Variants in RD3 observed in about 807,000 individuals in gnomAD.
RD3 encodes the protein protein RD3.
Under a neutral mutation model 16.9 loss-of-function variants are expected in RD3, and 11 were observed. The ratio of observed to expected loss-of-function variants is 0.65; its 90% CI spans 0.41 to 1.08. The LOEUF (loss-of-function observed/expected upper bound fraction) is 1.08, where lower values mean the gene tolerates loss of function less well. RD3 is among the 50% of genes least tolerant of loss of function. The pLI is 0.00. For missense variants in RD3, 274 were observed against 267.4 expected (o/e 1.02, Z -0.17); for synonymous variants, 116 against 114.8 (o/e 1.01, Z -0.07).
rs574202043 is a variant in RD3, at chr1:211,478,400, C to T, written c.*636G>A. The stretch of plus-strand genomic sequence containing the variant: ...GGAACAGACACTATTCATGCAGGAA[C>T]AATCTCACTGTTCATGAGGAGCTGG... On this transcript the variant is annotated 3_prime_UTR_variant, in exon 3 of 3. Coordinates refer to ENST00000680073, the MANE Select transcript of RD3 (RefSeq NM_001164688.2). The T allele has an allele frequency of 7.7e-6, 3 of 387,194 alleles. No individual in the cohort carries two copies. The highest frequency in any genetic ancestry group is 6.2e-5 in the African/African-American group (3 of 48,506). 24.0% of individuals were successfully genotyped at this position (387,194 alleles called of 1,614,324 possible).
intron 1 of RD3, among the ~76,000 whole-genome samples, chr1:211,487,546 C>T (rs1705399352): frequency 6.6e-6 from 1 of 152,228 alleles, no homozygotes; most frequent in Admixed American, 6.5e-5. Flanking sequence ...ATATTTATCA[C>T]ACTTTTCTGC....
At chr1:211,487,460 G>T (rs1392280784) in intron 1 of RD3, among the ~76,000 whole-genome samples, 2 of 152,164 alleles carry the variant, frequency 1.3e-5, no homozygotes, top group African/African-American at 4.8e-5. Context: ...AACCTTCATA[G>T]GGCCAAGCCC....
intron 1 of RD3, among the ~76,000 whole-genome samples, chr1:211,489,375 A>G (rs1287008431): frequency 6.6e-6 from 1 of 151,970 alleles, no homozygotes; most frequent in Admixed American, 6.6e-5. Flanking sequence ...CAGTAATATC[A>G]GTAGCCCCAT....
rs1412217545 is a variant in RD3 at position 211,478,674 on chromosome 1, C to G, written c.*362G>C. The G allele has an allele frequency of 1.1e-5, 3 of 275,336 alleles. No homozygotes were observed. The South Asian group carries it at 3.5e-4, about 32-fold the overall frequency. 17.1% of individuals were successfully genotyped at this position (275,336 alleles called of 1,614,324 possible). ...GACATCCCTGAAATTGGGGTGAGAA[C>G]CTAGGTCTTGCCAAAAGGCAGGGCA... On this transcript the variant is annotated 3_prime_UTR_variant, in exon 3 of 3. Transcript: ENST00000680073.
chr1:211,482,919 C>G (rs755946120), intron 1 of RD3, among the ~76,000 whole-genome samples: 42 of 151,922 alleles, frequency 2.8e-4, no homozygotes, highest in Admixed American at 7.2e-4. Flanking sequence ...GTCAGATGAA[C>G]TCAGTCTCAA....
intron 1 of RD3, among the ~76,000 whole-genome samples, chr1:211,486,908 G>A (rs936930981): frequency 6.6e-5 from 10 of 152,268 alleles, no homozygotes; most frequent in Admixed American, 1.3e-4. Flanking sequence ...ATCTTAGGAG[G>A]TGCTGAAGTG....
chr1:211,486,988 C>A (rs1411196676), intron 1 of RD3, among the ~76,000 whole-genome samples: 1 of 152,152 alleles, frequency 6.6e-6, no homozygotes, highest in Non-Finnish European at 1.5e-5. Flanking sequence ...TATACACACA[C>A]CCCATAAACA....
Position 211,476,978 on chromosome 1 carries a change from C to G in RD3, c.*2058G>C, listed in dbSNP as rs922727025. 6 of 152,126 alleles carry G rather than the reference C, an allele frequency of 3.9e-5. No homozygotes were observed. The highest frequency in any genetic ancestry group is 1.2e-4 in the African/African-American group (5 of 41,418). 9.4% of individuals were successfully genotyped at this position (152,126 alleles called of 1,614,324 possible). A position where few individuals can be genotyped will look rare whatever the true frequency, so the allele number is the denominator to read the frequency against. On this transcript the variant is annotated 3_prime_UTR_variant, in exon 3 of 3. Coordinates refer to ENST00000680073, the MANE Select transcript of RD3 (RefSeq NM_001164688.2). ...GTGGAGGCCTTTTTCTAATCCTCCC[C>G]CAACACTTTTGCCCCTACCAGCTGA...
In RD3 at chr1:211,478,910, A is replaced by T; in HGVS notation, c.*126T>A. The T allele has an allele frequency of 2.7e-5, 16 of 601,630 alleles. No homozygotes were observed. Among genetic ancestry groups the T allele is most frequent in the Non-Finnish European group, 2.9e-5 (11 of 378,412 alleles). 37.3% of individuals were successfully genotyped at this position (601,630 alleles called of 1,614,324 possible). Reference sequence around the variant, plus strand: ...CTTCATTTTATAGCAGCGTCTTGGGATGGGGCCGCCTCTTGGGTCTCCTCG... The same window carrying T: ...CTTCATTTTATAGCAGCGTCTTGGGTTGGGGCCGCCTCTTGGGTCTCCTCG... On this transcript the variant is annotated 3_prime_UTR_variant, in exon 3 of 3. Coordinates refer to ENST00000680073, the MANE Select transcript of RD3 (RefSeq NM_001164688.2).
intron 1 of RD3, among the ~76,000 whole-genome samples, chr1:211,487,720 C>A (rs1705401919): frequency 1.3e-5 from 2 of 152,208 alleles, no homozygotes; most frequent in African/African-American, 4.8e-5. Flanking sequence ...TCTTTCTTCA[C>A]CCACGAGCCT....
chr1:211,481,389 C>T lies in RD3; in HGVS notation c.27G>A (p.Trp9Ter), dbSNP rs761903612. Residue 9 changes from tryptophan to a stop codon, truncating the protein, a stop_gained, in exon 2 of 3, where the codon TGG becomes TGA. Coordinates refer to ENST00000680073, the MANE Select transcript of RD3 (RefSeq NM_001164688.2). LOFTEE classifies it high-confidence loss of function. ...TGGACAGCCGGGATGGGGCCTCGTT[C>T]CACCGAAGCCATGAGATGAGAGACA... MSLISWLR[W>*]NEAPSRLSTR... 23 of 1,613,156 alleles carry T rather than the reference C, an allele frequency of 1.4e-5. No homozygotes were observed. The highest frequency in any genetic ancestry group is 1.9e-5 in the Non-Finnish European group (23 of 1,180,048).
intron 1 of RD3, among the ~76,000 whole-genome samples, chr1:211,486,577 G>A (rs973916422): frequency 5.3e-5 from 8 of 151,806 alleles, no homozygotes; most frequent in South Asian, 2.1e-4. Flanking sequence ...GGCTGGGCAC[G>A]GTGGCTCACA....
intron 2 of RD3, among the ~76,000 whole-genome samples, chr1:211,480,085 T>G (rs955610344): frequency 6.6e-6 from 1 of 152,170 alleles, no homozygotes; most frequent in Non-Finnish European, 1.5e-5. Flanking sequence ...CCCTCACTTT[T>G]GAGGCTTGAT....
intron 1 of RD3, among the ~76,000 whole-genome samples, chr1:211,486,220 A>T (rs1705371921): frequency 1.3e-5 from 2 of 151,490 alleles, no homozygotes; most frequent in African/African-American, 2.4e-5. Context: ...TAAAAGAAAA[A>T]AAGGCTGGGT....
In RD3 at chr1:211,478,280, C is replaced by T. The variant is rs1705185421; in HGVS notation, c.*756G>A. The T allele has an allele frequency of 7.5e-6, 3 of 397,956 alleles. No homozygotes were observed. In the East Asian group the frequency reaches 1.1e-4, roughly 14 times the overall value. The allele number at this position is 397,956 out of a possible 1,614,324, so 24.7% of individuals were successfully genotyped here. On this transcript the variant is annotated 3_prime_UTR_variant, in exon 3 of 3. Coordinates refer to ENST00000680073, the MANE Select transcript of RD3 (RefSeq NM_001164688.2). Reference sequence around the variant, plus strand: ...CTTCTTGGAGAGCAGCTTAGATTCTCATCCCACTGCCAAGGTAAGAGATGG... The same window carrying T: ...CTTCTTGGAGAGCAGCTTAGATTCTTATCCCACTGCCAAGGTAAGAGATGG...
chr1:211,479,724 A>C (rs1436428721), intron 2 of RD3, among the ~76,000 whole-genome samples: 1 of 152,176 alleles, frequency 6.6e-6, no homozygotes, highest in African/African-American at 2.4e-5. Context: ...ACTGGCCAGC[A>C]TGATCTTTCT....
chr1:211,479,511 C>T (rs755579328), intron 2 of RD3, among the ~76,000 whole-genome samples, 184 bp from the exon 3 acceptor site: 1 of 152,240 alleles, frequency 6.6e-6, no homozygotes, highest in Admixed American at 6.5e-5. Context: ...GCGTTCAAAT[C>T]CCAGCTCTGC....
intron 1 of RD3, among the ~76,000 whole-genome samples, chr1:211,486,875 G>C (rs1369204665): frequency 6.6e-6 from 1 of 152,170 alleles, no homozygotes; most frequent in Non-Finnish European, 1.5e-5. Context: ...AAAACTATCT[G>C]TGGAATATTG....
At chr1:211,480,974 A>G in intron 2 of RD3, 146 bp downstream of exon 2, 1 of 860,328 alleles carries the variant, frequency 1.2e-6, no homozygotes, top group South Asian at 1.5e-5. Context: ...TCTCTTTCAG[A>G]CTCCTTTTCC....
Sources: allele counts gnomAD v4.1 joint callset (sites outside exome capture counted in the v4.1 genomes callset), GRCh38; gene constraint gnomAD v4.1.1; transcripts MANE v1.5; gene names NCBI Gene and HGNC (gene_info 2026-07-23, HGNC 2026-07-21).